The following ZNF423 variants were observed in gnomAD, a reference collection of about 807,000 sequenced individuals.
The protein encoded by ZNF423 is Ebf-associated zinc finger protein.
In ZNF423, 12 loss-of-function variants were observed where a neutral mutation model predicts 95.8. The ratio of observed to expected loss-of-function variants is 0.13; its 90% CI spans 0.08 to 0.20. The LOEUF (loss-of-function observed/expected upper bound fraction) is 0.20, where lower values mean the gene tolerates loss of function less well. Ranked by LOEUF, ZNF423 falls within the 10% of genes least tolerant of loss-of-function variation. The pLI is 1.00. For missense variants in ZNF423, 1,316 were observed against 1,737.1 expected (o/e 0.76, Z 4.31); for synonymous variants, 749 against 711.9 (o/e 1.05, Z -0.83).
chr16:49,508,669 T>TC (rs891491938), intron 7 of ZNF423, among the ~76,000 whole-genome samples: 3 of 152,108 alleles, frequency 2.0e-5, no homozygotes, highest in Non-Finnish European at 4.4e-5. Flanking sequence ...GCGTCCCTTC[T>TC]CCCCTATGTG....
chr16:49,508,769 C>T (rs1001292982), intron 7 of ZNF423, among the ~76,000 whole-genome samples: 1 of 152,138 alleles, frequency 6.6e-6, no homozygotes, highest in Non-Finnish European at 1.5e-5. Context: ...GAAATCCCCT[C>T]CCTGCCCTAG....
At chr16:49,562,031 G>T (rs1219650789) in intron 5 of ZNF423, among the ~76,000 whole-genome samples, 1 of 152,176 alleles carries the variant, frequency 6.6e-6, no homozygotes, top group Non-Finnish European at 1.5e-5. Context: ...AGTGGCTTCT[G>T]TCTCCTGCAG....
chr16:49,671,030 G>A (rs1275411928), intron 3 of ZNF423, among the ~76,000 whole-genome samples: 1 of 152,172 alleles, frequency 6.6e-6, no homozygotes. Flanking sequence ...AAAGAAGGGA[G>A]GTCCACCTGC....
At chr16:49,743,300 G>A (rs2033453479) in intron 2 of ZNF423, among the ~76,000 whole-genome samples, 1 of 152,182 alleles carries the variant, frequency 6.6e-6, no homozygotes, top group Admixed American at 6.5e-5. Flanking sequence ...CCTCCCCTGT[G>A]AGCTCTGGGA....
At chr16:49,848,103 G>A (rs1338243980) in intron 1 of ZNF423, among the ~76,000 whole-genome samples, 1 of 151,680 alleles carries the variant, frequency 6.6e-6, no homozygotes, top group Non-Finnish European at 1.5e-5. Context: ...GATCCTGTCT[G>A]TAAAAAAAGG....
chr16:49,488,932 G>T lies in ZNF423; in HGVS notation c.*2343C>A, dbSNP rs1344396322. The T allele has an allele frequency of 6.6e-6, 1 of 152,666 alleles. No homozygotes were observed. The highest frequency in any genetic ancestry group is 2.4e-5 in the African/African-American group (1 of 41,468). 9.5% of individuals were successfully genotyped at this position (152,666 alleles called of 1,614,324 possible). A position where few individuals can be genotyped will look rare whatever the true frequency, so the allele number is the denominator to read the frequency against. ...GGAGAACAATGCGGCCGGGGTGAGG[G>T]GGGAGTCGGTGGGGTTCCCTGGCTG... is the stretch of plus-strand genomic sequence containing the variant. On this transcript the variant is annotated 3_prime_UTR_variant, in exon 8 of 8. Transcript: ENST00000563137.
chr16:49,849,328 A>T (rs1409266974), intron 1 of ZNF423, among the ~76,000 whole-genome samples: 1 of 152,208 alleles, frequency 6.6e-6, no homozygotes, highest in Non-Finnish European at 1.5e-5. Context: ...ACTGTTTGCC[A>T]GGGTCCCATC....
chr16:49,782,981 A>AT (rs1047299838), intron 2 of ZNF423, among the ~76,000 whole-genome samples: 2 of 151,204 alleles, frequency 1.3e-5, no homozygotes, highest in Non-Finnish European at 3.0e-5. Flanking sequence ...AAAAAAAAAA[A>AT]GATGAGCAGC....
chr16:49,605,517 C>T (rs907932423), intron 5 of ZNF423, among the ~76,000 whole-genome samples: 2 of 152,220 alleles, frequency 1.3e-5, no homozygotes, highest in Admixed American at 1.3e-4. Context: ...AGAACTCCAA[C>T]TCAGCCTTCT....
chr16:49,812,653 C>T (rs1195276597), intron 1 of ZNF423, among the ~76,000 whole-genome samples: 1 of 152,170 alleles, frequency 6.6e-6, no homozygotes, highest in Admixed American at 6.5e-5. Flanking sequence ...GCACTCCAGC[C>T]TGGGCAACAG....
At chr16:49,858,183 G>A (rs1011736750), upstream of ZNF423, among the ~76,000 whole-genome samples, 8 of 151,680 alleles carry the variant, frequency 5.3e-5, no homozygotes, top group Non-Finnish European at 1.0e-4. The surrounding 1 kb of genome is among the most constrained non-coding windows in gnomAD (Gnocchi z 4.3). Context: ...GTTACCCAGG[G>A]CAACCTTTCA....
At chr16:49,648,299 G>A (rs1212049840) in intron 3 of ZNF423, among the ~76,000 whole-genome samples, 4 of 152,154 alleles carry the variant, frequency 2.6e-5, no homozygotes, top group Non-Finnish European at 4.4e-5. Flanking sequence ...ACTGTGGAAG[G>A]TATGGGCTGG....
At chr16:49,522,316 G>C (rs1275322067) in intron 7 of ZNF423, among the ~76,000 whole-genome samples, 1 of 152,190 alleles carries the variant, frequency 6.6e-6, no homozygotes, top group Non-Finnish European at 1.5e-5. Flanking sequence ...AGAAGGTGGC[G>C]TGCATCATTT....
chr16:49,700,021 A>G (rs2032115804), intron 3 of ZNF423, among the ~76,000 whole-genome samples: 3 of 152,114 alleles, frequency 2.0e-5, no homozygotes, highest in Admixed American at 2.0e-4. Context: ...CTGGGCTAGA[A>G]GCAGGGTTTC....
At chr16:49,604,797 GCATCCACCCCA>G (rs1821827885) in intron 5 of ZNF423, among the ~76,000 whole-genome samples, 1 of 152,122 alleles carries the variant, frequency 6.6e-6, no homozygotes, top group African/African-American at 2.4e-5. Flanking sequence ...GAAGCCTGCT[GCATCCACCCCA>G]TTCCTGGGCT....
intron 1 of ZNF423, 95 bp from the exon 2 acceptor site, chr16:49,789,641 G>T (rs2034379197): frequency 7.9e-7 from 1 of 1,258,228 alleles, no homozygotes; most frequent in Non-Finnish European, 1.1e-6. Flanking sequence ...ATTTGTGGGG[G>T]TCCTTATTAT....
chr16:49,767,621 G>A (rs980831065), intron 2 of ZNF423, among the ~76,000 whole-genome samples: 5 of 152,154 alleles, frequency 3.3e-5, no homozygotes, highest in Non-Finnish European at 4.4e-5. Flanking sequence ...AGGGGCATGC[G>A]CAGTCAGAAG....
chr16:49,518,559 T>C (rs549900310), intron 7 of ZNF423: 2 of 436,254 alleles, frequency 4.6e-6, no homozygotes, highest in African/African-American at 2.1e-5. Context: ...TTCACATCAG[T>C]TACACAAAAC....
chr16:49,544,302 T>C (rs1377451352), intron 5 of ZNF423, among the ~76,000 whole-genome samples: 2 of 152,224 alleles, frequency 1.3e-5, no homozygotes, highest in African/African-American at 4.8e-5. Flanking sequence ...CTTCTCGATC[T>C]GGATGTGTTC....
Sources: gnomAD v4.1 joint callset for allele counts (sites outside exome capture counted in the v4.1 genomes callset) on GRCh38, gnomAD v4.1.1 for gene constraint, Gnocchi (gnomAD v3.1) non-coding constraint, MANE v1.5 for transcripts, NCBI Gene and HGNC (gene_info 2026-07-23, HGNC 2026-07-21) for gene names.